The following TAX1BP1 variants were observed in gnomAD, a reference collection of about 807,000 sequenced individuals.
The protein encoded by TAX1BP1 is tax1-binding protein 1.
In TAX1BP1, 62 loss-of-function variants were observed where a neutral mutation model predicts 97.7. That is an observed-to-expected ratio of 0.63 (90% CI 0.52 to 0.78). The LOEUF (loss-of-function observed/expected upper bound fraction) is 0.78. Ranked by LOEUF, TAX1BP1 falls within the 30% of genes least tolerant of loss-of-function variation. The pLI is 0.00. For missense variants in TAX1BP1, 867 were observed against 916.1 expected (o/e 0.95, Z 0.69); for synonymous variants, 340 against 304.2 (o/e 1.12, Z -1.23).
chr7:27,785,135 C>T (rs1050371569), intron 5 of TAX1BP1, 28 bp from the exon 6 acceptor site: 17 of 1,574,678 alleles, frequency 1.1e-5, no homozygotes, highest in Non-Finnish European at 1.5e-5. Context: ...TCTGTGTTTT[C>T]TCAAAATACC....
In TAX1BP1 at chr7:27,802,070, C is replaced by T. The variant is rs146905188; in HGVS notation, c.1764+1980C>T. ...ACGTTTGGAGTTCAGAAGTGGAGCG[C>T]GTAGTCTGCGAACTGTGAGCAGTCT... On this transcript the variant is annotated intron_variant, in intron 13 of 16. Coordinates refer to ENST00000396319, the MANE Select transcript of TAX1BP1 (RefSeq NM_006024.7). Among the ~76,000 whole-genome samples, 1,320 of 152,248 alleles carry T rather than the reference C, an allele frequency of 8.7e-3. 16 individuals carry two copies. Among genetic ancestry groups the T allele is most frequent in the African/African-American group, 0.03 (1,235 of 41,538 alleles).
intron 12 of TAX1BP1, 150 bp from the exon 13 acceptor site, chr7:27,799,815 T>A: frequency 6.6e-6 from 3 of 451,990 alleles, no homozygotes; most frequent in Non-Finnish European, 1.1e-5. Context: ...ATTTATCCAA[T>A]TGTCTATTAA....
intron 1 of TAX1BP1, among the ~76,000 whole-genome samples, chr7:27,745,793 T>C (rs554921264): frequency 5.3e-4 from 81 of 152,156 alleles, no homozygotes; most frequent in Middle Eastern, 7.5e-3. Flanking sequence ...AAATAATACA[T>C]TTATATATAC....
intron 2 of TAX1BP1, among the ~76,000 whole-genome samples, chr7:27,754,489 A>G (rs907782994): frequency 2.6e-5 from 4 of 151,346 alleles, no homozygotes; most frequent in Admixed American, 2.0e-4. Context: ...ATTAATATCA[A>G]TGGTTAGCAC....
intron 8 of TAX1BP1, among the ~76,000 whole-genome samples, chr7:27,787,909 C>G: frequency 6.6e-6 from 1 of 152,036 alleles, no homozygotes. Context: ...ATAGCCATGA[C>G]ACCGTTATTA....
chr7:27,801,130 GAAAA>G (rs11465183), intron 13 of TAX1BP1, among the ~76,000 whole-genome samples: 1 of 132,372 alleles, frequency 7.6e-6, no homozygotes, highest in South Asian at 2.3e-4. Context: ...GAATGTTAGA[GAAAA>G]AAAAAAAACA....
At chr7:27,784,570 G>C (rs1583703315) in intron 5 of TAX1BP1, among the ~76,000 whole-genome samples, 1 of 152,126 alleles carries the variant, frequency 6.6e-6, no homozygotes, top group African/African-American at 2.4e-5. Flanking sequence ...TGATGGTGTC[G>C]TGTAAGACTT....
chr7:27,789,169 A>G (rs887384190), intron 8 of TAX1BP1, among the ~76,000 whole-genome samples: 3 of 152,174 alleles, frequency 2.0e-5, no homozygotes, highest in Admixed American at 6.5e-5. Context: ...TTCTTAGAAT[A>G]TGTTTCACTA....
chr7:27,787,877 A>G (rs1789547560), intron 8 of TAX1BP1, among the ~76,000 whole-genome samples: 1 of 152,078 alleles, frequency 6.6e-6, no homozygotes, highest in South Asian at 2.1e-4. Flanking sequence ...TGTCTCCCTT[A>G]TGAACAAGTG....
At chr7:27,763,248 AC>A (rs1788496849) in intron 3 of TAX1BP1, among the ~76,000 whole-genome samples, 1 of 152,104 alleles carries the variant, frequency 6.6e-6, no homozygotes, top group South Asian at 2.1e-4. Flanking sequence ...TCCTAAATGA[AC>A]CCTTATTTAT....
At chr7:27,773,193 G>A (rs1318960212) in intron 5 of TAX1BP1, among the ~76,000 whole-genome samples, 1 of 152,080 alleles carries the variant, frequency 6.6e-6, no homozygotes, top group Non-Finnish European at 1.5e-5. Flanking sequence ...ATAGAGGCTA[G>A]CAGTATGGCT....
At chr7:27,787,979 A>G (rs1201433746) in intron 8 of TAX1BP1, among the ~76,000 whole-genome samples, 1 of 152,076 alleles carries the variant, frequency 6.6e-6, no homozygotes, top group African/African-American at 2.4e-5. Context: ...TCACAATCAC[A>G]TTGCCCCAAA....
At chr7:27,806,349 G>A (rs900263216) in intron 13 of TAX1BP1, among the ~76,000 whole-genome samples, 2 of 150,656 alleles carry the variant, frequency 1.3e-5, no homozygotes, top group Non-Finnish European at 3.0e-5. Context: ...GCCTTCCAAA[G>A]TGCTGGGATT....
intron 4 of TAX1BP1, among the ~76,000 whole-genome samples, chr7:27,767,251 A>C (rs1293562406): frequency 1.3e-5 from 2 of 152,092 alleles, no homozygotes; most frequent in African/African-American, 4.8e-5. Context: ...TTTTTGGCTA[A>C]TTTATATTCA....
At chr7:27,740,504 A>G (rs1047497902) in intron 1 of TAX1BP1, 1 of 152,286 alleles carries the variant, frequency 6.6e-6, no homozygotes, top group Non-Finnish European at 1.5e-5. Context: ...TGGAATGGCA[A>G]CGGGTGGCCG....
intron 15 of TAX1BP1, among the ~76,000 whole-genome samples, chr7:27,823,774 C>T (rs1490230906): frequency 6.6e-6 from 1 of 152,194 alleles, no homozygotes; most frequent in Admixed American, 6.5e-5. Context: ...CAACAACTCC[C>T]ATTCCCTCTT....
rs1000679148 is a variant in TAX1BP1, at chr7:27,802,814, A to G, written c.1764+2724A>G. Among the ~76,000 whole-genome samples, 24 of 152,164 alleles carry G rather than the reference A, an allele frequency of 1.6e-4. 1 individual carries two copies. On this transcript the variant is annotated intron_variant, in intron 13 of 16. Transcript: ENST00000396319. ...GAATATTGAGAGAAGAGGCCAAAGA[A>G]GAAACTTTGGAGAATACTCATATTT...
chr7:27,814,110 CTTTTTT>C lies in TAX1BP1; in HGVS notation c.1765-2236_1765-2231del, dbSNP rs1261719034. 8.5e-3 allele frequency among the ~76,000 whole-genome samples: 1,086 copies of C among 127,814 alleles called. 14 individuals carry two copies. The highest frequency in any genetic ancestry group is 0.03 in the African/African-American group (1,031 of 34,750). 83.9% of individuals were successfully genotyped at this position (127,814 alleles called of 152,430 possible). A position where few individuals can be genotyped will look rare whatever the true frequency, so the allele number is the denominator to read the frequency against. ...CGCACTTGGCCTTTTTTTTTTTTTTCTTTTTTTTGAATCGTGTTTGAAATGTTTCTT... is the reference window on the plus strand; with the variant it reads ...CGCACTTGGCCTTTTTTTTTTTTTTCTTGAATCGTGTTTGAAATGTTTCTT... On this transcript the variant is annotated intron_variant, in intron 13 of 16. Coordinates refer to ENST00000396319, the MANE Select transcript of TAX1BP1 (RefSeq NM_006024.7).
At chr7:27,811,003 C>T (rs191767469) in intron 13 of TAX1BP1, among the ~76,000 whole-genome samples, 10 of 152,088 alleles carry the variant, frequency 6.6e-5, no homozygotes, top group Admixed American at 2.0e-4. Context: ...CATCTCTATA[C>T]GAGACCACTT....
Sources: gnomAD v4.1 joint callset for allele counts (sites outside exome capture counted in the v4.1 genomes callset) on GRCh38, gnomAD v4.1.1 for gene constraint, MANE v1.5 for transcripts, NCBI Gene and HGNC (gene_info 2026-07-23, HGNC 2026-07-21) for gene names.